The following ARSB variants were observed in gnomAD, a reference collection of about 807,000 sequenced individuals.
ARSB encodes the protein arylsulfatase B, also known as N-acetylgalactosamine-4-sulfatase.
A neutral mutation model predicts 50.9 loss-of-function variants in ARSB; 41 were observed. The observed-to-expected ratio is 0.81, with a 90% CI of 0.63 to 1.04. The LOEUF (loss-of-function observed/expected upper bound fraction) is 1.04, where lower values mean the gene tolerates loss of function less well. ARSB is among the 50% of genes least tolerant of loss of function. The probability of loss-of-function intolerance (pLI) is 0.00; values close to 1 mark genes in which losing one functional copy is unlikely to be tolerated. For missense variants in ARSB, 672 were observed against 693.3 expected (o/e 0.97, Z 0.35); for synonymous variants, 269 against 284.8 (o/e 0.94, Z 0.56).
chr5:78,900,722 T>A (rs906758231), intron 4 of ARSB, among the ~76,000 whole-genome samples: 1 of 152,112 alleles, frequency 6.6e-6, no homozygotes, highest in East Asian at 1.9e-4. Flanking sequence ...CATTCCTTGA[T>A]TCATGCCCTC....
chr5:78,834,028 T>G (rs183033163), intron 6 of ARSB, among the ~76,000 whole-genome samples: 237 of 152,314 alleles, frequency 1.6e-3, no homozygotes, highest in Non-Finnish European at 2.2e-3. Flanking sequence ...GGAAAGGCTG[T>G]AAGACAATAA....
chr5:78,834,603 A>ATGTT (rs1744852468), intron 6 of ARSB, among the ~76,000 whole-genome samples: 1 of 83,426 alleles, frequency 1.2e-5, no homozygotes, highest in Non-Finnish European at 2.3e-5. Flanking sequence ...TGGTATATAT[A>ATGTT]TGTGTATATA....
Position 78,964,624 on chromosome 5 carries a change from GA to G in ARSB, c.500-19del. The G allele has an allele frequency of 6.2e-7, 1 of 1,608,784 alleles. No homozygotes were observed. On this transcript the variant is annotated intron_variant, in intron 2 of 7. Coordinates refer to ENST00000264914, the MANE Select transcript of ARSB (RefSeq NM_000046.5). ...GAGATATCCTGCAAGAATGGAAGAC[GA>G]AAATAGTCAGCATAGCATAAAACTT... is the stretch of plus-strand genomic sequence containing the variant.
chr5:78,944,142 G>A lies in ARSB; in HGVS notation c.898+11153C>T, dbSNP rs555711195. On this transcript the variant is annotated intron_variant, in intron 4 of 7. Coordinates refer to ENST00000264914, the MANE Select transcript of ARSB (RefSeq NM_000046.5). ...TTTCAGCTCCATCAGGTCCTTTAAG[G>A]ACTTCTCTGCATTGGTTATTCTAGT... is the stretch of plus-strand genomic sequence containing the variant. Among the ~76,000 whole-genome samples, 27 of 152,236 alleles carry A rather than the reference G, an allele frequency of 1.8e-4. No homozygotes were observed. In the East Asian group the frequency reaches 2.5e-3, roughly 14 times the overall value.
intron 6 of ARSB, among the ~76,000 whole-genome samples, chr5:78,802,674 T>A (rs771439473): frequency 2.0e-5 from 3 of 152,184 alleles, no homozygotes; most frequent in Non-Finnish European, 4.4e-5. Flanking sequence ...ATTAGAGAGA[T>A]AATGATTACA....
chr5:78,834,871 C>T (rs1411596846), intron 6 of ARSB, among the ~76,000 whole-genome samples: 3 of 151,548 alleles, frequency 2.0e-5, no homozygotes, highest in Non-Finnish European at 2.9e-5. Context: ...TGTTATTGTC[C>T]ATAGAGGCTA....
At chr5:78,910,283 T>C (rs1443130149) in intron 4 of ARSB, among the ~76,000 whole-genome samples, 1 of 152,224 alleles carries the variant, frequency 6.6e-6, no homozygotes, top group Non-Finnish European at 1.5e-5. Context: ...ATACTTTGTC[T>C]CTGTGTCTTA....
At chr5:78,832,192 C>T (rs979651319) in intron 6 of ARSB, among the ~76,000 whole-genome samples, 3 of 152,048 alleles carry the variant, frequency 2.0e-5, no homozygotes, top group Non-Finnish European at 2.9e-5. Flanking sequence ...GAGGGCTTCA[C>T]GGAGGAGTAG....
chr5:78,955,314 C>T lies in ARSB; in HGVS notation c.879G>A (p.Thr293=), dbSNP rs755579897. The part of the protein sequence containing the change: ...ALKSSGLWNN[T]VFIFSTDNGG... The stretch of plus-strand genomic sequence containing the variant: ...ACTTACCTGTAGAAAAGATGAACAC[C>T]GTGTTGTTCCAGAGCCCACTGCTTT... Residue 293 remains threonine, a synonymous_variant, in exon 4 of 8, where the codon ACG becomes ACA. Transcript: ENST00000264914. 2.6e-5 allele frequency: 42 copies of T among 1,614,038 alleles called. No homozygotes were observed. In the Admixed American group the frequency reaches 5.2e-4, roughly 20 times the overall value.
At chr5:78,907,869 G>T (rs1486866699) in intron 4 of ARSB, among the ~76,000 whole-genome samples, 1 of 152,144 alleles carries the variant, frequency 6.6e-6, no homozygotes, top group Middle Eastern at 3.2e-3. Context: ...ATTTTCAAGT[G>T]CTGAGCATAT....
chr5:78,937,352 A>G (rs1391333068), intron 4 of ARSB, among the ~76,000 whole-genome samples: 2 of 132,214 alleles, frequency 1.5e-5, no homozygotes, highest in Non-Finnish European at 3.2e-5. Flanking sequence ...TATATATCAT[A>G]TATATGTAAG....
At chr5:78,963,930 AC>A (rs1752102080) in intron 3 of ARSB, among the ~76,000 whole-genome samples, 2 of 152,222 alleles carry the variant, frequency 1.3e-5, no homozygotes, top group South Asian at 4.1e-4. Context: ...GGGAGGAAGT[AC>A]AAGGTTAGAG....
intron 5 of ARSB, among the ~76,000 whole-genome samples, chr5:78,848,534 T>C (rs1581036003): frequency 6.6e-6 from 1 of 151,498 alleles, no homozygotes; most frequent in Admixed American, 6.6e-5. Context: ...TACGTGTGCA[T>C]GTGTCTTTAT....
At chr5:78,802,690 A>C (rs1354482320) in intron 6 of ARSB, among the ~76,000 whole-genome samples, 1 of 152,240 alleles carries the variant, frequency 6.6e-6, no homozygotes, top group Non-Finnish European at 1.5e-5. Flanking sequence ...TTACAGAATG[A>C]AGAGCACTCA....
At chr5:78,951,919 A>G (rs1751509732) in intron 4 of ARSB, among the ~76,000 whole-genome samples, 1 of 152,198 alleles carries the variant, frequency 6.6e-6, no homozygotes, top group African/African-American at 2.4e-5. Context: ...ACCTGACACA[A>G]AAAAGAAACC....
chr5:78,936,367 G>A (rs1189469688), intron 4 of ARSB, among the ~76,000 whole-genome samples: 4 of 151,108 alleles, frequency 2.6e-5, no homozygotes, highest in Non-Finnish European at 5.9e-5. Context: ...CAAGTGATCT[G>A]CCTGCCTCTG....
chr5:78,930,686 G>A (rs1750283237), intron 4 of ARSB, among the ~76,000 whole-genome samples: 1 of 152,260 alleles, frequency 6.6e-6, no homozygotes. Context: ...GAACAAGCCT[G>A]GAAGGCAGAA....
chr5:78,956,806 C>T (rs3852190), intron 3 of ARSB, among the ~76,000 whole-genome samples: 28,778 of 152,004 alleles, frequency 0.19, 2,824 homozygotes, highest in African/African-American at 0.23. Context: ...CCACATTAAC[C>T]GAAGAGCAAT....
At position 78,969,067 on chromosome 5, in the gene ARSB, C is replaced by A; in HGVS notation, c.438G>T (p.Trp146Cys). 6.2e-7 allele frequency: 1 copy of A among 1,614,160 alleles called. No individual in the cohort carries two copies. The highest frequency in any genetic ancestry group is 8.5e-7 in the Non-Finnish European group (1 of 1,180,016). ...ATTCTTTCCGGTACATTCCCAGGTG[C>A]CATTTTCCGACCATATGGGTAGTAT... is the stretch of plus-strand genomic sequence containing the variant. Reference protein sequence around the residue: ...AGYTTHMVGKWHLGMYRKECL... With the variant: ...AGYTTHMVGKCHLGMYRKECL... The change falls in exon 2 of 8, where the codon TGG becomes TGT. Residue 146 changes from tryptophan (W) to cysteine (C), a missense_variant. Trp to Cys is a radical substitution (Grantham distance 215, BLOSUM62 -2). Transcript: ENST00000264914.
Sources: gnomAD v4.1 joint callset for allele counts (sites outside exome capture counted in the v4.1 genomes callset) on GRCh38, gnomAD v4.1.1 for gene constraint, MANE v1.5 for transcripts, NCBI Gene and HGNC (gene_info 2026-07-23, HGNC 2026-07-21) for gene names.